Variants in GGH observed in about 807,000 individuals in gnomAD.
GGH encodes the protein gamma-Glu-X carboxypeptidase.
A neutral mutation model predicts 39.2 loss-of-function variants in GGH; 18 were observed. The ratio of observed to expected loss-of-function variants is 0.46; its 90% CI spans 0.32 to 0.68. The LOEUF (loss-of-function observed/expected upper bound fraction) is 0.68, where lower values mean the gene tolerates loss of function less well. Among genes scored for constraint, GGH ranks in the 30% least tolerant of loss-of-function variants. GGH has a pLI of 0.04. For synonymous variants in GGH, 147 were observed against 138.8 expected (o/e 1.06, Z -0.42); for missense variants, 367 against 384.1 (o/e 0.96, Z 0.37).
chr8:63,020,773 AG>A (rs957687346), intron 7 of GGH, among the ~76,000 whole-genome samples: 10 of 152,176 alleles, frequency 6.6e-5, no homozygotes, highest in Non-Finnish European at 1.5e-4. Flanking sequence ...AGAGGGCATG[AG>A]GAAATAAGCT....
chr8:63,021,951 G>A (rs1804594660), intron 7 of GGH, among the ~76,000 whole-genome samples: 1 of 152,138 alleles, frequency 6.6e-6, no homozygotes, highest in African/African-American at 2.4e-5. Context: ...TGGGATTACA[G>A]GCGTGAGCCA....
At chr8:63,029,346 AAGTC>A (rs542613961) in intron 3 of GGH, among the ~76,000 whole-genome samples, 174 of 152,260 alleles carry the variant, frequency 1.1e-3, no homozygotes, top group South Asian at 2.1e-3. Context: ...ATGGTGATCT[AAGTC>A]AGCATCTACA....
At chr8:63,019,110 T>A (rs72658353) in intron 7 of GGH, among the ~76,000 whole-genome samples, 18,825 of 152,128 alleles carry the variant, frequency 0.12, 1,375 homozygotes, top group East Asian at 0.34. Flanking sequence ...TTACAAAAAA[T>A]TTATGGGGAT....
chr8:63,032,674 C>G (rs1296017452), intron 2 of GGH, among the ~76,000 whole-genome samples: 1 of 152,214 alleles, frequency 6.6e-6, no homozygotes, highest in Non-Finnish European at 1.5e-5. Flanking sequence ...TATTTTGCAT[C>G]AGGTAATCCT....
intron 4 of GGH, chr8:63,026,874 C>A: frequency 3.4e-6 from 1 of 290,724 alleles, no homozygotes; most frequent in South Asian, 5.7e-5. Flanking sequence ...GAAACAATGC[C>A]CATAAAAAAA....
intron 3 of GGH, chr8:63,028,081 C>G (rs1804730849): frequency 6.6e-6 from 1 of 152,040 alleles, no homozygotes; most frequent in Non-Finnish European, 1.5e-5. Flanking sequence ...TGAAATATCA[C>G]TTGTGTGATT....
At chr8:63,027,491 T>A (rs535439969) in intron 3 of GGH, among the ~76,000 whole-genome samples, 10 of 152,268 alleles carry the variant, frequency 6.6e-5, no homozygotes, top group African/African-American at 2.4e-4. Context: ...TTCCAAAAAC[T>A]TCTTCAAAAA....
chr8:63,038,773 C>T lies in GGH; in HGVS notation c.-5G>A. 1 of 1,513,586 alleles carries T rather than the reference C, an allele frequency of 6.6e-7. No homozygotes were observed. Among genetic ancestry groups the T allele is most frequent in the East Asian group, 2.5e-5 (1 of 40,310 alleles). The allele number at this position is 1,513,586 out of a possible 1,614,324, so 93.8% of individuals were successfully genotyped here. On this transcript the variant is annotated 5_prime_UTR_variant, in exon 1 of 9. Coordinates refer to ENST00000260118, the MANE Select transcript of GGH (RefSeq NM_003878.3). ...CAGGCAGCCCGGACTGGCCATGGCG[C>T]TCGCCGCCTCCCGCCGCCTTTCAAA...
chr8:63,025,632 G>C (rs1190488567), intron 5 of GGH, among the ~76,000 whole-genome samples: 1 of 152,154 alleles, frequency 6.6e-6, no homozygotes, highest in Admixed American at 6.5e-5. Context: ...TCAGGGGGCT[G>C]AGGCAGGAGA....
At position 63,017,484 on chromosome 8, in the gene GGH, T is replaced by A. The variant is rs1804505804; in HGVS notation, c.835+9A>T. On this transcript the variant is annotated intron_variant, in intron 8 of 8. Coordinates refer to ENST00000260118, the MANE Select transcript of GGH (RefSeq NM_003878.3). ...CCCAGAATAACAAAATTATGTACCC[T>A]CATATTACCTTCATTAACAAAAAAC... 1.2e-6 allele frequency: 2 copies of A among 1,600,560 alleles called. No individual in the cohort carries two copies. The highest frequency in any genetic ancestry group is 2.7e-5 in the African/African-American group (2 of 74,580).
At position 63,038,686 on chromosome 8, in the gene GGH, C is replaced by G; in HGVS notation, c.83G>C (p.Gly28Ala). The change falls in exon 1 of 9, where the codon GGC (glycine) becomes GCC (alanine). Residue 28 changes from glycine to alanine, a missense_variant. Physicochemically the swap from Gly to Ala is moderately conservative, Grantham distance 60. Coordinates refer to ENST00000260118, the MANE Select transcript of GGH (RefSeq NM_003878.3). ...GATGATGGGCTTCTTGGCGGTGTCG[C>G]CGTGGGGTCTAGACAGCTCGAGGCT... ...AASLELSRPHGDTAKKPIIGI... is the reference protein window; with the variant it reads ...AASLELSRPHADTAKKPIIGI... 1 of 1,548,362 alleles carries G rather than the reference C, an allele frequency of 6.5e-7. No homozygotes were observed. The highest frequency in any genetic ancestry group is 8.8e-7 in the Non-Finnish European group (1 of 1,141,664).
intron 3 of GGH, among the ~76,000 whole-genome samples, chr8:63,027,720 T>C (rs1015244933): frequency 4.6e-5 from 7 of 152,152 alleles, no homozygotes; most frequent in Non-Finnish European, 8.8e-5. Flanking sequence ...GTCATAAAAA[T>C]ATATTTAAGC....
At chr8:63,035,492 G>T (rs1477881388) in intron 2 of GGH, among the ~76,000 whole-genome samples, 164 bp downstream of exon 2, 1 of 152,044 alleles carries the variant, frequency 6.6e-6, no homozygotes, top group African/African-American at 2.4e-5. Flanking sequence ...TTTTAGTAGA[G>T]ACAGGGCTTC....
chr8:63,015,578 G>GC, intron 8 of GGH, 125 bp from the exon 9 acceptor site: 1 of 528,712 alleles, frequency 1.9e-6, no homozygotes, highest in Non-Finnish European at 3.3e-6. Context: ...AGAGAAATGC[G>GC]ACTGCTCTTC....
chr8:63,030,069 T>G, intron 3 of GGH, 98 bp downstream of exon 3: 1 of 645,640 alleles, frequency 1.5e-6, no homozygotes, highest in Non-Finnish European at 2.8e-6. Flanking sequence ...CTAAGACAGT[T>G]ACATAGAAAC....
At chr8:63,037,776 GAA>G (rs1319292987) in intron 1 of GGH, among the ~76,000 whole-genome samples, 6 of 152,078 alleles carry the variant, frequency 3.9e-5, no homozygotes, top group South Asian at 2.1e-4. Flanking sequence ...AATTCGTGGA[GAA>G]TCAAATCACC....
intron 7 of GGH, among the ~76,000 whole-genome samples, chr8:63,021,755 C>T (rs566582348): frequency 7.0e-6 from 1 of 143,546 alleles, no homozygotes; most frequent in South Asian, 2.2e-4. Context: ...CTCACTGAAA[C>T]CTCCGCCCAC....
chr8:63,038,194 T>C (rs572054320), intron 1 of GGH, among the ~76,000 whole-genome samples: 1 of 152,364 alleles, frequency 6.6e-6, no homozygotes, highest in East Asian at 1.9e-4. Context: ...CTACTGAACA[T>C]GACAAAATCC....
At chr8:63,018,700 C>A (rs559216025) in intron 7 of GGH, among the ~76,000 whole-genome samples, 1 of 152,340 alleles carries the variant, frequency 6.6e-6, no homozygotes, top group Admixed American at 6.5e-5. Flanking sequence ...GCAAGAGACC[C>A]ACAGGCTGGG....
Sources: gnomAD v4.1 joint callset for allele counts (sites outside exome capture counted in the v4.1 genomes callset) on GRCh38, gnomAD v4.1.1 for gene constraint, MANE v1.5 for transcripts, NCBI Gene and HGNC (gene_info 2026-07-23, HGNC 2026-07-21) for gene names.